GLIS3: variants seen among roughly 807,000 people sequenced by gnomAD.
GLIS3 encodes the protein zinc finger protein GLIS3.
Under a neutral mutation model 78.6 loss-of-function variants are expected in GLIS3, and 53 were observed. The ratio of observed to expected loss-of-function variants is 0.67; its 90% confidence interval spans 0.54 to 0.85. The LOEUF (loss-of-function observed/expected upper bound fraction) is 0.85. Ranked by LOEUF, GLIS3 falls within the 40% of genes least tolerant of loss-of-function variation. The probability of loss-of-function intolerance (pLI) is 0.00; values close to 1 mark genes in which losing one functional copy is unlikely to be tolerated. For missense variants in GLIS3, 1,703 were observed against 1,231.1 expected (o/e 1.38, Z -5.74); for synonymous variants, 684 against 509.9 (o/e 1.34, Z -4.60).
At chr9:4,066,682 C>G (rs1164482322) in intron 4 of GLIS3, among the ~76,000 whole-genome samples, 8 of 152,228 alleles carry the variant, frequency 5.3e-5, no homozygotes, top group African/African-American at 1.4e-4. Flanking sequence ...CAGCTGGACC[C>G]TGTAACATTT....
At chr9:4,477,904 G>T in the GLIS3 span, among the ~76,000 whole-genome samples, 2 of 152,234 alleles carry the variant, frequency 1.3e-5, no homozygotes, top group East Asian at 3.9e-4. Flanking sequence ...AATGAAATTG[G>T]AAACAATAAT....
At chr9:4,438,752 G>A in the GLIS3 span, among the ~76,000 whole-genome samples, 90 of 152,218 alleles carry the variant, frequency 5.9e-4, 1 homozygote, top group African/African-American at 1.9e-3. Context: ...TGAGAGTTCT[G>A]CACAAGCTCT....
chr9:3,845,525 TA>T (rs1014874912), intron 9 of GLIS3, among the ~76,000 whole-genome samples: 16 of 152,274 alleles, frequency 1.1e-4, no homozygotes, highest in African/African-American at 3.4e-4. Context: ...GTAAGGACTT[TA>T]AAAAACTGAA....
Position 3,827,222 on chromosome 9 carries a change from A to T in GLIS3, c.*1050T>A, listed in dbSNP as rs1817771342. On this transcript the variant is annotated 3_prime_UTR_variant, in exon 11 of 11. Transcript: ENST00000381971. ...ATGAGTGGATATCCTGAAAAACGTT[A>T]GTAAAATCTGAGCACTGGAAGTCAA... is the stretch of plus-strand genomic sequence containing the variant. 1 of 152,066 alleles carries T rather than the reference A, an allele frequency of 6.6e-6. No individual in the cohort carries two copies. Among genetic ancestry groups the T allele is most frequent in the Admixed American group, 6.5e-5 (1 of 15,270 alleles). The allele number at this position is 152,066 out of a possible 1,614,324, so 9.4% of individuals were successfully genotyped here. A position where few individuals can be genotyped will look rare whatever the true frequency, so the allele number is the denominator to read the frequency against.
At chr9:4,080,605 A>C (rs1828471830) in intron 4 of GLIS3, among the ~76,000 whole-genome samples, 1 of 152,180 alleles carries the variant, frequency 6.6e-6, no homozygotes, top group Non-Finnish European at 1.5e-5. Context: ...ATTAATACTG[A>C]TTAAATATTA....
At chr9:4,445,229 A>G in the GLIS3 span, among the ~76,000 whole-genome samples, 1 of 152,214 alleles carries the variant, frequency 6.6e-6, no homozygotes, top group East Asian at 1.9e-4. Flanking sequence ...GCTGTAAGAA[A>G]TGTATATGAA....
chr9:3,871,962 G>T (rs1820997729), intron 8 of GLIS3, among the ~76,000 whole-genome samples: 1 of 152,162 alleles, frequency 6.6e-6, no homozygotes, highest in Non-Finnish European at 1.5e-5. Flanking sequence ...AAAACTGAAT[G>T]CTTTTAACAG....
chr9:4,353,843 C>A, the GLIS3 span, among the ~76,000 whole-genome samples: 3 of 152,244 alleles, frequency 2.0e-5, no homozygotes, highest in South Asian at 6.2e-4. Flanking sequence ...ACAGTCTCCT[C>A]TGAAGAACTG....
chr9:4,229,473 G>C (rs561228189), intron 2 of GLIS3, among the ~76,000 whole-genome samples: 2 of 152,206 alleles, frequency 1.3e-5, no homozygotes, highest in Non-Finnish European at 2.9e-5. Flanking sequence ...AAAAGTTATA[G>C]TGGGTCTTTA....
At chr9:3,985,108 A>C (rs1167166696) in intron 4 of GLIS3, among the ~76,000 whole-genome samples, 3 of 151,704 alleles carry the variant, frequency 2.0e-5, no homozygotes, top group South Asian at 2.1e-4. Context: ...AAAAAAAAAA[A>C]ACCCATTTTT....
At chr9:4,029,535 G>C (rs1182829288) in intron 4 of GLIS3, among the ~76,000 whole-genome samples, 5 of 152,064 alleles carry the variant, frequency 3.3e-5, no homozygotes, top group Non-Finnish European at 7.4e-5. Context: ...TTGAATAGTA[G>C]GTCTTATGCA....
rs144321622 is a variant in GLIS3, at chr9:4,165,609, G to A, written c.389-39668C>T. 3.7e-3 allele frequency among the ~76,000 whole-genome samples: 559 copies of A among 152,330 alleles called. 5 individuals carry two copies. The highest frequency in any genetic ancestry group is 0.012 in the African/African-American group (509 of 41,572). ...AGTTTCACTGCAGCAGAATCAGGAAGGCTTCCAGAATTCCTGCTCCGGGCT... is the reference window on the plus strand; with the variant it reads ...AGTTTCACTGCAGCAGAATCAGGAAAGCTTCCAGAATTCCTGCTCCGGGCT... On this transcript the variant is annotated intron_variant, in intron 2 of 10. Coordinates refer to ENST00000381971, the MANE Select transcript of GLIS3 (RefSeq NM_001042413.2).
rs138992784 is a variant in GLIS3, at chr9:3,942,646, A to G, written c.1711-5457T>C. 4.3e-3 allele frequency among the ~76,000 whole-genome samples: 649 copies of G among 152,320 alleles called. 3 individuals carry two copies. Among genetic ancestry groups the G allele is most frequent in the Admixed American group, 0.011 (176 of 15,308 alleles). On this transcript the variant is annotated intron_variant, in intron 4 of 10. Transcript: ENST00000381971. ...GAATTCAGCTGGGATTTAGTTCTGG[A>G]AGCTTCTTTCTAGAGCAGGCTTCCC...
intron 4 of GLIS3, among the ~76,000 whole-genome samples, chr9:4,102,640 A>C (rs1041823331): frequency 6.6e-6 from 1 of 152,178 alleles, no homozygotes; most frequent in African/African-American, 2.4e-5. Context: ...CCAAAATGTC[A>C]ATAGTGCTGA....
intron 6 of GLIS3, among the ~76,000 whole-genome samples, chr9:3,913,332 T>C (rs1824276353): frequency 6.6e-6 from 1 of 152,240 alleles, no homozygotes; most frequent in South Asian, 2.1e-4. Flanking sequence ...CTCCCATCCA[T>C]TCTATACTCA....
chr9:4,467,064 G>A, the GLIS3 span, among the ~76,000 whole-genome samples: 1 of 152,230 alleles, frequency 6.6e-6, no homozygotes, highest in East Asian at 1.9e-4. Context: ...TGAACTGCAA[G>A]GTGGCAGCGA....
At chr9:4,456,286 T>C in the GLIS3 span, among the ~76,000 whole-genome samples, 1 of 152,212 alleles carries the variant, frequency 6.6e-6, no homozygotes, top group Non-Finnish European at 1.5e-5. Flanking sequence ...TCAATATTGA[T>C]GGCTGCTGAC....
chr9:3,883,379 G>A (rs545027329), intron 7 of GLIS3, among the ~76,000 whole-genome samples: 10 of 152,236 alleles, frequency 6.6e-5, no homozygotes, highest in Non-Finnish European at 1.2e-4. Flanking sequence ...AATATCTGCC[G>A]ACTTCATACA....
intron 4 of GLIS3, among the ~76,000 whole-genome samples, chr9:4,104,463 C>G (rs1031093296): frequency 6.6e-6 from 1 of 152,160 alleles, no homozygotes; most frequent in Non-Finnish European, 1.5e-5. Flanking sequence ...CGGCAGTGCC[C>G]TCAATTCTAA....
Sources: gnomAD v4.1 joint callset for allele counts (sites outside exome capture counted in the v4.1 genomes callset) on GRCh38, gnomAD v4.1.1 for gene constraint, MANE v1.5 for transcripts, NCBI Gene and HGNC (gene_info 2026-07-23, HGNC 2026-07-21) for gene names.